GRIA1: variants seen among roughly 807,000 people sequenced by gnomAD.
GRIA1 encodes the protein glutamate receptor 1.
A neutral mutation model predicts 99.2 loss-of-function variants in GRIA1; 31 were observed. That is an observed-to-expected ratio of 0.31 (90% CI 0.23 to 0.42). GRIA1 has a LOEUF of 0.42. GRIA1 is among the 10% of genes least tolerant of loss of function. GRIA1 has a pLI of 1.00. For synonymous variants in GRIA1, 438 were observed against 432.4 expected, an observed-to-expected ratio of 1.01 and a Z score of -0.16; for missense variants, 782 against 1,157.5, an observed-to-expected ratio of 0.68 and a Z score of 4.71.
intron 11 of GRIA1, among the ~76,000 whole-genome samples, chr5:153,708,874 G>A (rs748845847): frequency 2.6e-5 from 4 of 152,210 alleles, no homozygotes; most frequent in Non-Finnish European, 5.9e-5. Context: ...ACAGACACAA[G>A]AGTGAACTGC....
chr5:153,673,465 T>C (rs1756346611), intron 5 of GRIA1, among the ~76,000 whole-genome samples: 1 of 152,234 alleles, frequency 6.6e-6, no homozygotes, highest in Non-Finnish European at 1.5e-5. Context: ...GGGAAGAAAC[T>C]TGCTTTATTC....
At chr5:153,656,383 T>TATA (rs1754951606) in intron 5 of GRIA1, among the ~76,000 whole-genome samples, 2 of 92,676 alleles carry the variant, frequency 2.2e-5, no homozygotes, top group South Asian at 3.4e-4. Flanking sequence ...ATAAGTTTGT[T>TATA]TATATATATA....
At chr5:153,646,894 T>C in intron 2 of GRIA1, 34 bp from the exon 3 acceptor site, 2 of 1,607,018 alleles carry the variant, frequency 1.2e-6, no homozygotes, top group Non-Finnish European at 8.5e-7. Flanking sequence ...CTTTTTGCAG[T>C]CTTCTATTCA....
chr5:153,650,533 G>T lies in GRIA1; in HGVS notation c.645+19G>T, dbSNP rs1226620978. On this transcript the variant is annotated intron_variant, in intron 4 of 15. Coordinates refer to ENST00000285900, the MANE Select transcript of GRIA1 (RefSeq NM_000827.4). The stretch of plus-strand genomic sequence containing the variant: ...GGGCCAGGTAGTGAAAGCAGCAAGG[G>T]CTCAGGGTGGGTGCGGGAGGTGATT... The T allele has an allele frequency of 2.5e-6, 4 of 1,611,382 alleles. No homozygotes were observed. Among genetic ancestry groups the T allele is most frequent in the Non-Finnish European group, 3.4e-6 (4 of 1,178,398 alleles).
intron 15 of GRIA1, among the ~76,000 whole-genome samples, chr5:153,809,810 T>C (rs1561879105): frequency 6.6e-6 from 1 of 151,972 alleles, no homozygotes; most frequent in African/African-American, 2.4e-5. Flanking sequence ...ACTGCACGAG[T>C]ACAAGATGAG....
In GRIA1 at chr5:153,493,864, G is replaced by A. The variant is rs527665286; in HGVS notation, c.83-64G>A. ...GAGAAGAAAAGGACTCATCTGGAGT[G>A]AGTCGTGAGGAACTAAAACCTGTCT... On this transcript the variant is annotated intron_variant, in intron 1 of 15. Coordinates refer to ENST00000285900, the MANE Select transcript of GRIA1 (RefSeq NM_000827.4). 33 of 1,545,094 alleles carry A rather than the reference G, an allele frequency of 2.1e-5. No individual in the cohort carries two copies. In the South Asian group the frequency reaches 3.5e-4, roughly 16 times the overall value.
chr5:153,576,981 GAT>G (rs1581255459), intron 2 of GRIA1, among the ~76,000 whole-genome samples: 25 of 115,108 alleles, frequency 2.2e-4, no homozygotes, highest in East Asian at 5.6e-4. Context: ...TGGATGGATG[GAT>G]GGGTGAGTGG....
intron 11 of GRIA1, among the ~76,000 whole-genome samples, chr5:153,717,122 G>C (rs1325859852): frequency 6.6e-6 from 1 of 152,134 alleles, no homozygotes; most frequent in Non-Finnish European, 1.5e-5. Flanking sequence ...CAAATTACAG[G>C]CTCTTTTCAC....
At chr5:153,540,690 C>A (rs537425706) in intron 2 of GRIA1, among the ~76,000 whole-genome samples, 3 of 151,958 alleles carry the variant, frequency 2.0e-5, no homozygotes. Flanking sequence ...AACAAATAAA[C>A]GGGACAATCG....
intron 11 of GRIA1, among the ~76,000 whole-genome samples, chr5:153,730,327 A>G (rs1487107909): frequency 6.6e-6 from 1 of 152,182 alleles, no homozygotes; most frequent in Non-Finnish European, 1.5e-5. Flanking sequence ...GCCCACCCCT[A>G]TAACTCCAGC....
At chr5:153,781,502 T>C (rs530674411) in intron 13 of GRIA1, among the ~76,000 whole-genome samples, 39 of 152,146 alleles carry the variant, frequency 2.6e-4, no homozygotes, top group African/African-American at 8.4e-4. Context: ...AGGCCAACTC[T>C]CCCAGAGAAT....
chr5:153,635,367 C>T (rs1199961754), intron 2 of GRIA1, among the ~76,000 whole-genome samples: 2 of 152,314 alleles, frequency 1.3e-5, no homozygotes, highest in East Asian at 1.9e-4. Flanking sequence ...GGAGGGGAAG[C>T]TGTAAAGCTA....
intron 5 of GRIA1, among the ~76,000 whole-genome samples, chr5:153,662,091 A>T (rs1561741646): frequency 2.0e-5 from 3 of 152,166 alleles, no homozygotes; most frequent in African/African-American, 4.8e-5. Flanking sequence ...GGCTCTTGCA[A>T]AACTTACCTG....
intron 2 of GRIA1, among the ~76,000 whole-genome samples, chr5:153,567,235 G>C (rs1038402092): frequency 3.3e-5 from 5 of 152,172 alleles, no homozygotes; most frequent in African/African-American, 1.2e-4. Flanking sequence ...GAATAGGATA[G>C]AACAATGTCC....
chr5:153,602,541 TAAAAG>T (rs370625668), intron 2 of GRIA1, among the ~76,000 whole-genome samples: 25,369 of 150,250 alleles, frequency 0.17, 2,231 homozygotes, highest in Middle Eastern at 0.22. Flanking sequence ...AATAATAAAA[TAAAAG>T]AAAATAAAAT....
At chr5:153,742,682 C>A (rs1166570468) in intron 11 of GRIA1, among the ~76,000 whole-genome samples, 1 of 152,158 alleles carries the variant, frequency 6.6e-6, no homozygotes, top group Non-Finnish European at 1.5e-5. Context: ...CCTTAGTCTT[C>A]GACTTGTGGC....
At chr5:153,668,171 G>A (rs1426541996) in intron 5 of GRIA1, among the ~76,000 whole-genome samples, 2 of 151,946 alleles carry the variant, frequency 1.3e-5, no homozygotes, top group Non-Finnish European at 2.9e-5. Flanking sequence ...GATATAGAGA[G>A]GAGACAGATT....
At chr5:153,642,721 C>T (rs1753864258) in intron 2 of GRIA1, among the ~76,000 whole-genome samples, 1 of 152,018 alleles carries the variant, frequency 6.6e-6, no homozygotes, top group Non-Finnish European at 1.5e-5. Context: ...TACTGTGTTT[C>T]ATCCCAGCAA....
chr5:153,793,255 T>C (rs1047812924), intron 13 of GRIA1, among the ~76,000 whole-genome samples: 35 of 152,192 alleles, frequency 2.3e-4, no homozygotes, highest in African/African-American at 7.5e-4. Context: ...GCACCTGGGA[T>C]TCATAATAGT....
Sources: gnomAD v4.1 joint callset for allele counts (sites outside exome capture counted in the v4.1 genomes callset) on GRCh38, gnomAD v4.1.1 for gene constraint, MANE v1.5 for transcripts, NCBI Gene and HGNC (gene_info 2026-07-23, HGNC 2026-07-21) for gene names.